The following TCF7L2 variants were observed in gnomAD, a reference collection of about 807,000 sequenced individuals.
TCF7L2 encodes transcription factor 7-like 2.
TCF7L2 carries 23 observed loss-of-function variants against 77.9 expected under a neutral mutation model. That is an observed-to-expected ratio of 0.30 (90% confidence interval 0.21 to 0.42). The LOEUF (loss-of-function observed/expected upper bound fraction) is 0.42. TCF7L2 is among the 10% of genes least tolerant of loss of function. TCF7L2 has a pLI of 1.00. For synonymous variants in TCF7L2, 413 were observed against 340.2 expected (o/e 1.21, Z -2.36); for missense variants, 654 against 793.1 (o/e 0.82, Z 2.11).
In TCF7L2 at chr10:113,124,983, T is replaced by C. The variant is rs140852263; in HGVS notation, c.553-16201T>C. Among the ~76,000 whole-genome samples, 945 of 152,246 alleles carry C rather than the reference T, an allele frequency of 6.2e-3. 7 individuals are homozygous for C. The highest frequency in any genetic ancestry group is 0.02 in the Middle Eastern group (6 of 294). Reference sequence around the variant, plus strand: ...CCTGTGTGTTTATGACAGAAAGATGTCATCGTTAAAGGAAACTTAAGAGTT... The same window carrying C: ...CCTGTGTGTTTATGACAGAAAGATGCCATCGTTAAAGGAAACTTAAGAGTT... On this transcript the variant is annotated intron_variant, in intron 5 of 13. Coordinates refer to ENST00000627217, the MANE Select transcript of TCF7L2 (RefSeq NM_001146274.2).
intron 4 of TCF7L2, among the ~76,000 whole-genome samples, chr10:112,992,069 G>A (rs990518325): frequency 6.6e-6 from 1 of 152,172 alleles, no homozygotes; most frequent in Admixed American, 6.5e-5. Context: ...CAAGAGCTCC[G>A]TTGTTCATTC....
At chr10:113,066,582 G>A (rs2057296067) in intron 5 of TCF7L2, among the ~76,000 whole-genome samples, 2 of 152,134 alleles carry the variant, frequency 1.3e-5, no homozygotes, top group African/African-American at 4.8e-5. Context: ...ACTTCAAATG[G>A]ATGACATGTT....
At chr10:113,155,678 T>C (rs2071724873) in intron 11 of TCF7L2, among the ~76,000 whole-genome samples, 1 of 152,234 alleles carries the variant, frequency 6.6e-6, no homozygotes, top group Non-Finnish European at 1.5e-5. Context: ...CCCTTGGGTA[T>C]GTGGATGCTG....
chr10:113,060,788 C>T (rs1564839469), intron 5 of TCF7L2, among the ~76,000 whole-genome samples: 1 of 151,886 alleles, frequency 6.6e-6, no homozygotes, highest in Non-Finnish European at 1.5e-5. Flanking sequence ...TGGAAAGAGG[C>T]GCTGTGTCCC....
chr10:113,053,365 G>A (rs2134628483), intron 5 of TCF7L2, among the ~76,000 whole-genome samples: 1 of 152,300 alleles, frequency 6.6e-6, no homozygotes, highest in African/African-American at 2.4e-5. Context: ...GAAGTTTTCA[G>A]TTGGCAAAGT....
intron 4 of TCF7L2, among the ~76,000 whole-genome samples, chr10:113,012,064 G>A (rs1590392892): frequency 6.6e-6 from 1 of 152,246 alleles, no homozygotes; most frequent in African/African-American, 2.4e-5. Flanking sequence ...ATTGAGTTTA[G>A]TCCTGTGAGT....
Position 113,004,443 on chromosome 10 carries a change from T to G in TCF7L2, c.451-35582T>G, listed in dbSNP as rs568042909. Among the ~76,000 whole-genome samples, 5 of 152,306 alleles carry G rather than the reference T, an allele frequency of 3.3e-5. No homozygotes were observed. In the South Asian group the frequency reaches 1.0e-3, roughly 32 times the overall value. ...GTGCAGCACGTGGACAGTGGAACTT[T>G]AAGGTCCTTGGCTTGTATTTCACAC... On this transcript the variant is annotated intron_variant, in intron 4 of 13. Transcript: ENST00000627217.
chr10:113,151,174 G>T lies in TCF7L2; in HGVS notation c.1001+51G>T. On this transcript the variant is annotated intron_variant, in intron 9 of 13. Coordinates refer to ENST00000627217, the MANE Select transcript of TCF7L2 (RefSeq NM_001146274.2). The surrounding 1 kb of genome is among the most constrained non-coding windows in gnomAD (Gnocchi z 5.2). The stretch of plus-strand genomic sequence containing the variant: ...TCTTCGTAGCCGCAGTGTTCTGCAA[G>T]CCTGTTGCAGCTGCTGGGTGGTGGC... 2 of 1,610,718 alleles carry T rather than the reference G, an allele frequency of 1.2e-6. No individual in the cohort carries two copies. The highest frequency in any genetic ancestry group is 1.7e-6 in the Non-Finnish European group (2 of 1,177,422).
chr10:113,130,084 C>T, intron 5 of TCF7L2: 4 of 908,412 alleles, frequency 4.4e-6, no homozygotes, highest in South Asian at 6.8e-5. Context: ...TTTTTCCCCC[C>T]CCTTAATTTA....
intron 4 of TCF7L2, among the ~76,000 whole-genome samples, chr10:113,007,771 G>A (rs1273137117): frequency 6.6e-6 from 1 of 152,224 alleles, no homozygotes; most frequent in Non-Finnish European, 1.5e-5. Context: ...ATGATGAGGG[G>A]TAGAGGAAGC....
At chr10:113,098,760 C>T (rs1030622360) in intron 5 of TCF7L2, among the ~76,000 whole-genome samples, 3 of 152,138 alleles carry the variant, frequency 2.0e-5, no homozygotes, top group African/African-American at 4.8e-5. Flanking sequence ...TGATCATTGA[C>T]TTTTTCTTTT....
chr10:113,083,435 C>T (rs1245508745), intron 5 of TCF7L2, among the ~76,000 whole-genome samples: 1 of 152,148 alleles, frequency 6.6e-6, no homozygotes, highest in Non-Finnish European at 1.5e-5. Context: ...TGGGGAGGAA[C>T]TGGGCTTGTC....
intron 4 of TCF7L2, among the ~76,000 whole-genome samples, chr10:112,992,066 T>G (rs1564754675): frequency 6.6e-6 from 1 of 152,156 alleles, no homozygotes; most frequent in Non-Finnish European, 1.5e-5. Context: ...GAACAAGAGC[T>G]CCGTTGTTCA....
chr10:113,107,011 A>G (rs751439613), intron 5 of TCF7L2, among the ~76,000 whole-genome samples: 34 of 152,298 alleles, frequency 2.2e-4, no homozygotes, highest in Non-Finnish European at 4.3e-4. Context: ...TGGTTTTATA[A>G]TTTTTGCGAA....
chr10:113,107,724 A>AAGT (rs1429133485), intron 5 of TCF7L2, among the ~76,000 whole-genome samples: 1 of 132,210 alleles, frequency 7.6e-6, no homozygotes, highest in Non-Finnish European at 1.6e-5. Flanking sequence ...AGTGCACTCC[A>AAGT]GCCTGGGCGA....
chr10:113,152,503 A>C (rs1421872433), intron 11 of TCF7L2, 63 bp downstream of exon 11: 1 of 1,407,874 alleles, frequency 7.1e-7, no homozygotes, highest in Non-Finnish European at 9.9e-7. Context: ...CTATACGGAC[A>C]AAGAGAACAG....
Position 113,151,924 on chromosome 10 carries a change from G to A in TCF7L2, c.1161+40G>A. Reference sequence around the variant, plus strand: ...TCTCAGGGAGAAGCGGGGGGCGGGTGGTGAGGGACCAGAGTGCAGCAGGTC... The same window carrying A: ...TCTCAGGGAGAAGCGGGGGGCGGGTAGTGAGGGACCAGAGTGCAGCAGGTC... On this transcript the variant is annotated intron_variant, in intron 10 of 13. Coordinates refer to ENST00000627217, the MANE Select transcript of TCF7L2 (RefSeq NM_001146274.2). The surrounding 1 kb of genome is among the most constrained non-coding windows in gnomAD (Gnocchi z 5.2). 1 of 1,570,380 alleles carries A rather than the reference G, an allele frequency of 6.4e-7. No homozygotes were observed. The highest frequency in any genetic ancestry group is 2.0e-5 in the Admixed American group (1 of 50,782).
intron 5 of TCF7L2, among the ~76,000 whole-genome samples, chr10:113,056,869 C>T (rs763088844): frequency 3.3e-5 from 5 of 152,088 alleles, no homozygotes; most frequent in South Asian, 2.1e-4. Flanking sequence ...TAGCTGAGGG[C>T]GGTTTCCTGG....
rs568490478 is a variant in TCF7L2, at chr10:112,966,150, G to A, written c.450+1526G>A. Among the ~76,000 whole-genome samples, 15 of 138,362 alleles carry A rather than the reference G, an allele frequency of 1.1e-4. No individual in the cohort carries two copies. The South Asian group carries it at 3.5e-3, about 32-fold the overall frequency. The allele number at this position is 138,362 out of a possible 152,430, so 90.8% of individuals were successfully genotyped here. On this transcript the variant is annotated intron_variant, in intron 4 of 13. Coordinates refer to ENST00000627217, the MANE Select transcript of TCF7L2 (RefSeq NM_001146274.2). ...AGATCACGCCACTGCACTCCAGCCT[G>A]GGTGACAAGAGTGAGACTCTGTCTA...
Sources: gnomAD v4.1 joint callset for allele counts (sites outside exome capture counted in the v4.1 genomes callset) on GRCh38, gnomAD v4.1.1 for gene constraint, Gnocchi (gnomAD v3.1) non-coding constraint, MANE v1.5 for transcripts, NCBI Gene and HGNC (gene_info 2026-07-23, HGNC 2026-07-21) for gene names.